The following ELK3 variants were observed in gnomAD, a reference collection of about 807,000 sequenced individuals.
ELK3 encodes the protein ETS transcription factor ELK3.
ELK3 carries 10 observed loss-of-function variants against 28.9 expected under a neutral mutation model. That is an observed-to-expected ratio of 0.35 (90% CI 0.21 to 0.59). The LOEUF (loss-of-function observed/expected upper bound fraction) is 0.59. Ranked by LOEUF, ELK3 falls within the 20% of genes least tolerant of loss-of-function variation. The pLI is 0.82. For missense variants in ELK3, 463 were observed against 517.3 expected (o/e 0.90, Z 1.02); for synonymous variants, 272 against 243.5 (o/e 1.12, Z -1.09).
At chr12:96,204,251 A>C (rs911936210) in intron 1 of ELK3, among the ~76,000 whole-genome samples, 2 of 152,170 alleles carry the variant, frequency 1.3e-5, no homozygotes, top group African/African-American at 4.8e-5. Flanking sequence ...AGGTTTTCGT[A>C]GTTCCCTTGG....
intron 3 of ELK3, among the ~76,000 whole-genome samples, chr12:96,249,538 G>A (rs1225567885): frequency 2.6e-5 from 4 of 152,214 alleles, no homozygotes; most frequent in Non-Finnish European, 5.9e-5. Context: ...TAGCTCAGGG[G>A]AGTATCTTGA....
chr12:96,266,211 T>C (rs201375356), intron 4 of ELK3, among the ~76,000 whole-genome samples: 3 of 152,224 alleles, frequency 2.0e-5, no homozygotes, highest in Non-Finnish European at 4.4e-5. Flanking sequence ...AAGTATTTGT[T>C]GTACTTCTAA....
chr12:96,205,280 G>A (rs1951532579), intron 1 of ELK3, among the ~76,000 whole-genome samples: 1 of 152,112 alleles, frequency 6.6e-6, no homozygotes, highest in Non-Finnish European at 1.5e-5. Flanking sequence ...TACAGAGAGG[G>A]GACCAAACCA....
At chr12:96,203,127 C>T (rs369992031) in intron 1 of ELK3, among the ~76,000 whole-genome samples, 9 of 151,538 alleles carry the variant, frequency 5.9e-5, no homozygotes, top group South Asian at 2.1e-4. Flanking sequence ...GTGATCCACC[C>T]GCCTCAGCTT....
intron 1 of ELK3, among the ~76,000 whole-genome samples, chr12:96,198,784 G>A (rs1338139592): frequency 2.0e-5 from 3 of 152,042 alleles, no homozygotes; most frequent in East Asian, 1.9e-4. Context: ...ATGCATATGT[G>A]TGTCTATGTA....
chr12:96,266,941 G>T, intron 4 of ELK3, 141 bp from the exon 5 acceptor site: 1 of 564,474 alleles, frequency 1.8e-6, no homozygotes, highest in Non-Finnish European at 2.9e-6. Flanking sequence ...CAATTATTCT[G>T]TAAAATACAT....
At chr12:96,258,595 A>G (rs1249648631) in intron 3 of ELK3, among the ~76,000 whole-genome samples, 2 of 152,276 alleles carry the variant, frequency 1.3e-5, no homozygotes, top group Admixed American at 6.5e-5. Context: ...TGACATCACA[A>G]AACCACTGAG....
Position 96,228,416 on chromosome 12 carries a change from CAAAAAAAA to C in ELK3, c.207+4664_207+4671del, listed in dbSNP as rs71091236. 6.2e-3 allele frequency among the ~76,000 whole-genome samples: 426 copies of C among 68,344 alleles called. 6 individuals carry two copies. Among genetic ancestry groups the C allele is most frequent in the African/African-American group, 0.02 (335 of 16,938 alleles). The allele number at this position is 68,344 out of a possible 152,430, so 44.8% of individuals were successfully genotyped here. A position where few individuals can be genotyped will look rare whatever the true frequency, so the allele number is the denominator to read the frequency against. ...CTGGCGACAGAGTGAGACTCTGTGTCAAAAAAAAAAAAAAAAAAAAAAAAAAAAGAAGA... is the reference window on the plus strand; with the variant it reads ...CTGGCGACAGAGTGAGACTCTGTGTCAAAAAAAAAAAAAAAAAAAAGAAGA... On this transcript the variant is annotated intron_variant, in intron 2 of 4. Coordinates refer to ENST00000228741, the MANE Select transcript of ELK3 (RefSeq NM_005230.4).
intron 1 of ELK3, among the ~76,000 whole-genome samples, chr12:96,196,476 T>C (rs1460649112): frequency 2.0e-5 from 3 of 152,146 alleles, no homozygotes; most frequent in African/African-American, 7.2e-5. Flanking sequence ...AATCGATTTG[T>C]GAGCCTTACA....
intron 1 of ELK3, among the ~76,000 whole-genome samples, chr12:96,221,063 C>T (rs573892210): frequency 2.6e-5 from 4 of 152,280 alleles, no homozygotes; most frequent in South Asian, 2.1e-4. Flanking sequence ...GTCACTTTCC[C>T]GTGTCAGTCT....
At chr12:96,227,671 T>C (rs916494285) in intron 2 of ELK3, among the ~76,000 whole-genome samples, 8 of 143,146 alleles carry the variant, frequency 5.6e-5, no homozygotes, top group African/African-American at 2.1e-4. Flanking sequence ...GCTGAGGCAC[T>C]TTGATCATTG....
intron 3 of ELK3, among the ~76,000 whole-genome samples, chr12:96,259,238 G>T (rs966648148): frequency 2.0e-5 from 3 of 152,156 alleles, no homozygotes; most frequent in Non-Finnish European, 4.4e-5. Context: ...TGAAAAAAGT[G>T]TTAATAAAAT....
intron 1 of ELK3, among the ~76,000 whole-genome samples, chr12:96,210,561 GCACGCACACACA>G (rs1172340196): frequency 8.3e-5 from 12 of 144,750 alleles, no homozygotes; most frequent in African/African-American, 2.3e-4. Context: ...GCGCGCGGGC[GCACGCACACACA>G]CACACACACA....
chr12:96,232,373 A>G (rs1382654672), intron 2 of ELK3, among the ~76,000 whole-genome samples: 1 of 152,106 alleles, frequency 6.6e-6, no homozygotes, highest in Non-Finnish European at 1.5e-5. Context: ...GATCGAGACC[A>G]TTCCGGCCAA....
At chr12:96,266,915 T>G (rs187860189) in intron 4 of ELK3, among the ~76,000 whole-genome samples, 167 bp from the exon 5 acceptor site, 206 of 152,362 alleles carry the variant, frequency 1.4e-3, no homozygotes, top group African/African-American at 4.8e-3. Context: ...TAAATCTTGA[T>G]CTCATTGTCA....
In ELK3 at chr12:96,265,179, G is replaced by T. The variant is rs539156170; in HGVS notation, c.1126-1903G>T. Among the ~76,000 whole-genome samples the T allele has an allele frequency of 3.9e-5, 6 of 152,234 alleles. No homozygotes were observed. In the South Asian group the frequency reaches 1.2e-3, roughly 32 times the overall value. Reference sequence around the variant, plus strand: ...GGGAAACGTTGCAGTTTAAAATAGGGGAGTGTCATGGGAGAAGAGCCTAAT... The same window carrying T: ...GGGAAACGTTGCAGTTTAAAATAGGTGAGTGTCATGGGAGAAGAGCCTAAT... On this transcript the variant is annotated intron_variant, in intron 4 of 4. Transcript: ENST00000228741.
chr12:96,260,072 T>G (rs1951981966), intron 4 of ELK3, among the ~76,000 whole-genome samples: 1 of 152,218 alleles, frequency 6.6e-6, no homozygotes, highest in African/African-American at 2.4e-5. Context: ...CGTGGAACAA[T>G]TAGTTCTTAA....
intron 1 of ELK3, among the ~76,000 whole-genome samples, chr12:96,200,422 C>T (rs1437640978): frequency 2.6e-5 from 4 of 151,990 alleles, no homozygotes; most frequent in South Asian, 2.1e-4. Flanking sequence ...TATTAAAATG[C>T]GCAGATCTTA....
At chr12:96,223,856 C>T (rs191256693) in intron 2 of ELK3, 83 bp downstream of exon 2, 172 of 1,363,102 alleles carry the variant, frequency 1.3e-4, no homozygotes, top group Non-Finnish European at 1.7e-4. Flanking sequence ...AAAATAATAG[C>T]GTGCTATGAA....
Sources: gnomAD v4.1 joint callset for allele counts (sites outside exome capture counted in the v4.1 genomes callset) on GRCh38, gnomAD v4.1.1 for gene constraint, MANE v1.5 for transcripts, NCBI Gene and HGNC (gene_info 2026-07-23, HGNC 2026-07-21) for gene names.